The following SASH1 variants were observed in gnomAD, a reference collection of about 807,000 sequenced individuals.
SASH1 encodes the protein SAM and SH3 domain containing 1.
SASH1 carries 44 observed loss-of-function variants against 125.2 expected under a neutral mutation model. The ratio of observed to expected loss-of-function variants is 0.35; its 90% confidence interval spans 0.28 to 0.45. SASH1 has a LOEUF of 0.45. Ranked by LOEUF, SASH1 falls within the 20% of genes least tolerant of loss-of-function variation. The pLI is 1.00. For missense variants in SASH1, 1,426 were observed against 1,614.5 expected, an observed-to-expected ratio of 0.88 and a Z score of 2.00; for synonymous variants, 639 against 649.1, an observed-to-expected ratio of 0.98 and a Z score of 0.24.
chr6:148,485,382 C>T (rs2115190904), intron 7 of SASH1, among the ~76,000 whole-genome samples: 1 of 152,250 alleles, frequency 6.6e-6, no homozygotes, highest in African/African-American at 2.4e-5. Flanking sequence ...GTGATTAATA[C>T]CTCTAATACC....
intron 1 of SASH1, among the ~76,000 whole-genome samples, chr6:148,382,630 G>A (rs777496902): frequency 2.6e-5 from 4 of 152,014 alleles, no homozygotes; most frequent in Non-Finnish European, 5.9e-5. Flanking sequence ...TTAGACATTT[G>A]GAGACCTAGA....
chr6:148,306,405 TCCAGGCCTCA>T (rs1415827339), intron 1 of SASH1, among the ~76,000 whole-genome samples: 2 of 152,166 alleles, frequency 1.3e-5, no homozygotes, highest in African/African-American at 4.8e-5. Flanking sequence ...GCCCCAAGGT[TCCAGGCCTCA>T]GCTGGGTCCC....
chr6:148,325,355 C>A lies in SASH1; in HGVS notation n.74+52978C>A, dbSNP rs868686211. ...CAAGTGTCGCGATTTTGGCTCACTG[C>A]AACCTCTGCCTCCCGGGTTCAAGTG... is the stretch of plus-strand genomic sequence containing the variant. On this transcript the variant is annotated intron_variant and non_coding_transcript_variant, in intron 1 of 3. Transcript: ENST00000367469. 2.0e-5 allele frequency among the ~76,000 whole-genome samples: 3 copies of A among 152,020 alleles called. No homozygotes were observed. In the East Asian group the frequency reaches 5.8e-4, roughly 29 times the overall value.
intron 1 of SASH1, among the ~76,000 whole-genome samples, chr6:148,363,955 A>G (rs531049441): frequency 4.4e-4 from 67 of 152,320 alleles, no homozygotes; most frequent in African/African-American, 1.4e-3. Flanking sequence ...CATACATTCT[A>G]AAAAGTTCTG....
At position 148,544,814 on chromosome 6, in the gene SASH1, A is replaced by T. The variant is rs1307083467; in HGVS notation, c.3344A>T (p.Asp1115Val). The T allele has an allele frequency of 6.3e-7, 1 of 1,583,398 alleles. No individual in the cohort carries two copies. Among genetic ancestry groups the T allele is most frequent in the Non-Finnish European group, 8.6e-7 (1 of 1,164,006 alleles). The change falls in exon 18 of 20, where the codon GAT becomes GTT. Residue 1115 changes from aspartate (D) to valine (V), a missense_variant. By Grantham distance (152) the Asp-to-Val change is radical (BLOSUM62 -3). Transcript: ENST00000367467. The surrounding 1 kb of genome is among the most constrained non-coding windows in gnomAD (Gnocchi z 6.4). ...GIDLTEEPYSDKHGRCGIPEA... is the reference protein window; with the variant it reads ...GIDLTEEPYSVKHGRCGIPEA... ...GATCTCACGGAGGAGCCGTATTCTGATAAGGTATCAAAGGTCCTGGGCCCA... is the reference window on the plus strand; with the variant it reads ...GATCTCACGGAGGAGCCGTATTCTGTTAAGGTATCAAAGGTCCTGGGCCCA...
At chr6:148,422,702 T>A (rs148001800) in intron 2 of SASH1, among the ~76,000 whole-genome samples, 3 of 152,182 alleles carry the variant, frequency 2.0e-5, no homozygotes, top group Admixed American at 6.5e-5. Context: ...AGATTAATGC[T>A]CAGAAGGGAG....
At chr6:148,535,457 T>C (rs1037648448) in intron 16 of SASH1, among the ~76,000 whole-genome samples, 1 of 152,170 alleles carries the variant, frequency 6.6e-6, no homozygotes, top group Non-Finnish European at 1.5e-5. Flanking sequence ...CACGAGGAGT[T>C]GTGTTCTTAT....
At chr6:148,539,401 T>A (rs1170930682) in intron 16 of SASH1, among the ~76,000 whole-genome samples, 1 of 152,150 alleles carries the variant, frequency 6.6e-6, no homozygotes, top group East Asian at 1.9e-4. Context: ...TATCACTTTG[T>A]ATGCCTTTAT....
the SASH1 span, among the ~76,000 whole-genome samples, chr6:148,221,423 A>G: frequency 6.6e-6 from 1 of 152,242 alleles, no homozygotes; most frequent in Admixed American, 6.5e-5. Context: ...GCTGTATGCA[A>G]GGAAGTGAAT....
the SASH1 span, among the ~76,000 whole-genome samples, chr6:148,261,340 A>G: frequency 1.3e-5 from 2 of 152,126 alleles, no homozygotes; most frequent in Admixed American, 6.6e-5. Context: ...ACTTTCTATC[A>G]TCTGCTGGGT....
chr6:148,501,199 A>T (rs1191971815), intron 8 of SASH1, among the ~76,000 whole-genome samples: 1 of 151,972 alleles, frequency 6.6e-6, no homozygotes, highest in Admixed American at 6.5e-5. Flanking sequence ...CTGTATTTCT[A>T]CATTGCCATT....
chr6:148,474,281 A>C lies in SASH1; in HGVS notation c.627+59A>C, dbSNP rs932910134. 2.3e-5 allele frequency: 25 copies of C among 1,089,876 alleles called. No individual in the cohort carries two copies. In the Middle Eastern group the frequency reaches 5.9e-4, roughly 26 times the overall value. The allele number at this position is 1,089,876 out of a possible 1,614,324, so 67.5% of individuals were successfully genotyped here. A position where few individuals can be genotyped will look rare whatever the true frequency, so the allele number is the denominator to read the frequency against. On this transcript the variant is annotated intron_variant, in intron 7 of 19. Coordinates refer to ENST00000367467, the MANE Select transcript of SASH1 (RefSeq NM_015278.5). ...GGACTTGACTTTCTGAAGTGTAAAA[A>C]TGTTTGCGGCCAACAAGGGGTATAG...
intron 8 of SASH1, 38 bp downstream of exon 8, chr6:148,487,753 G>A (rs373515820): frequency 4.2e-5 from 58 of 1,374,354 alleles, no homozygotes; most frequent in Non-Finnish European, 5.5e-5. Context: ...GATCACCTAC[G>A]CCGATAAGGG....
chr6:148,481,979 G>A (rs559513416), intron 7 of SASH1, among the ~76,000 whole-genome samples: 2 of 152,122 alleles, frequency 1.3e-5, no homozygotes, highest in Non-Finnish European at 2.9e-5. Flanking sequence ...AATGAGGTGC[G>A]GCTGTACCAA....
intron 7 of SASH1, 61 bp downstream of exon 7, chr6:148,474,283 G>A: frequency 2.8e-6 from 3 of 1,057,658 alleles, no homozygotes; most frequent in Non-Finnish European, 4.3e-6. Flanking sequence ...GTGTAAAAAT[G>A]TTTGCGGCCA....
At chr6:148,413,656 C>A (rs1562391155) in intron 2 of SASH1, among the ~76,000 whole-genome samples, 1 of 152,154 alleles carries the variant, frequency 6.6e-6, no homozygotes, top group Non-Finnish European at 1.5e-5. Flanking sequence ...TAATCAATGT[C>A]AGGTAAATCG....
chr6:148,506,696 A>G (rs1481059364), intron 8 of SASH1, among the ~76,000 whole-genome samples: 2 of 152,186 alleles, frequency 1.3e-5, no homozygotes, highest in Non-Finnish European at 2.9e-5. Context: ...ACCTTGGGCT[A>G]ATCCTCTTCC....
chr6:148,465,734 AT>A (rs199716785), intron 4 of SASH1, among the ~76,000 whole-genome samples: 1 of 152,108 alleles, frequency 6.6e-6, no homozygotes. Flanking sequence ...GCACAGTAAG[AT>A]TTTTTAAAAA....
chr6:148,363,959 A>C (rs1051265797), intron 1 of SASH1, among the ~76,000 whole-genome samples: 2 of 152,216 alleles, frequency 1.3e-5, no homozygotes, highest in African/African-American at 2.4e-5. Flanking sequence ...CATTCTAAAA[A>C]GTTCTGATCC....
Sources: allele counts gnomAD v4.1 joint callset (sites outside exome capture counted in the v4.1 genomes callset), GRCh38; gene constraint gnomAD v4.1.1; non-coding constraint Gnocchi (gnomAD v3.1); transcripts MANE v1.5; gene names NCBI Gene and HGNC (gene_info 2026-07-23, HGNC 2026-07-21).